The following ZNF536 variants were observed in gnomAD, a reference collection of about 807,000 sequenced individuals.
ZNF536 encodes zinc finger protein 536.
In ZNF536, 13 loss-of-function variants were observed where a neutral mutation model predicts 84.5. The ratio of observed to expected loss-of-function variants is 0.15; its 90% CI spans 0.10 to 0.24. ZNF536 has a LOEUF of 0.24. Among genes scored for constraint, ZNF536 ranks in the 10% least tolerant of loss-of-function variants. ZNF536 has a pLI of 1.00. For synonymous variants in ZNF536, 811 were observed against 742.5 expected (o/e 1.09, Z -1.50); for missense variants, 1,536 against 1,747.5 (o/e 0.88, Z 2.16).
intron 2 of ZNF536, among the ~76,000 whole-genome samples, chr19:30,304,884 T>C (rs999419849): frequency 6.6e-6 from 1 of 152,220 alleles, no homozygotes; most frequent in African/African-American, 2.4e-5. Flanking sequence ...AGAGAAGTTC[T>C]AGGGGCAAAG....
At chr19:30,685,334 A>C (rs1284185815) in intron 1 of ZNF536, among the ~76,000 whole-genome samples, 1 of 152,130 alleles carries the variant, frequency 6.6e-6, no homozygotes, top group South Asian at 2.1e-4. Flanking sequence ...GCTGATGGAG[A>C]GACTCTTTCT....
intron 1 of ZNF536, among the ~76,000 whole-genome samples, chr19:30,256,075 G>T (rs2024902352): frequency 6.6e-6 from 1 of 152,172 alleles, no homozygotes; most frequent in African/African-American, 2.4e-5. Flanking sequence ...TTTAGCCCAA[G>T]TTTCTCTCTC....
chr19:30,456,683 G>A (rs1411028044), intron 2 of ZNF536, among the ~76,000 whole-genome samples: 3 of 152,112 alleles, frequency 2.0e-5, no homozygotes, highest in African/African-American at 7.2e-5. Flanking sequence ...TTTATTCACT[G>A]AATGATGAAA....
chr19:30,599,697 G>A (rs117801698), intron 1 of ZNF536, among the ~76,000 whole-genome samples: 672 of 152,238 alleles, frequency 4.4e-3, no homozygotes, highest in Middle Eastern at 0.014. Context: ...AAAAGTGAGA[G>A]TTACAAGTGC....
At chr19:30,436,603 T>A in intron 1 of ZNF536, 1 of 662,612 alleles carries the variant, frequency 1.5e-6, no homozygotes, top group Non-Finnish European at 1.9e-6. Context: ...AGTCTGATGT[T>A]CTGTATTTCA....
At chr19:30,594,181 C>G (rs1180463033) in intron 1 of ZNF536, among the ~76,000 whole-genome samples, 2 of 152,198 alleles carry the variant, frequency 1.3e-5, no homozygotes, top group Non-Finnish European at 2.9e-5. Context: ...AGTCACTTGC[C>G]CTGGACCTCA....
rs2050545446 is a variant in ZNF536, at chr19:30,412,697, C to G, written c.-2-30864C>G. Among the ~76,000 whole-genome samples, 3 of 151,640 alleles carry G rather than the reference C, an allele frequency of 2.0e-5. No homozygotes were observed. In the South Asian group the frequency reaches 6.2e-4, roughly 32 times the overall value. ...CTCCTTCTTCTCCTCTTTCTCCTCC[C>G]TCCCTTCTTTCTTTTTGTCTTATAT... is the stretch of plus-strand genomic sequence containing the variant. On this transcript the variant is annotated intron_variant, in intron 1 of 4. Transcript: ENST00000355537.
At position 30,445,156 on chromosome 19, in the gene ZNF536, G is replaced by A. The variant is rs951249485; in HGVS notation, c.1594G>A (p.Ala532Thr). ...TTGGCAGCTCATGGCCAGGGGCATG[G>A]CCATGGAACATGGCTTCTTGTCTAA... ...QAWQLMARGM[A>T]MEHGFLSKEH... Residue 532 changes from alanine to threonine, a missense_variant, in exon 2 of 5, where the codon GCC (alanine) becomes ACC (threonine). Physicochemically the swap from Ala to Thr is moderately conservative, Grantham distance 58. Transcript: ENST00000355537. The surrounding 1 kb of genome is among the most constrained non-coding windows in gnomAD (Gnocchi z 4.5). 7 of 1,614,014 alleles carry A rather than the reference G, an allele frequency of 4.3e-6. No homozygotes were observed. The highest frequency in any genetic ancestry group is 1.7e-5 in the Admixed American group (1 of 60,012).
chr19:30,489,878 A>G (rs2054440801), intron 2 of ZNF536, among the ~76,000 whole-genome samples: 1 of 152,240 alleles, frequency 6.6e-6, no homozygotes, highest in South Asian at 2.1e-4. Flanking sequence ...GTTTGCTGAA[A>G]AGGCTGAAGA....
intron 2 of ZNF536, among the ~76,000 whole-genome samples, chr19:30,527,015 T>C (rs1599696233): frequency 6.6e-6 from 1 of 151,644 alleles, no homozygotes; most frequent in East Asian, 2.0e-4. Flanking sequence ...GCCTCCTGGG[T>C]TCAAGCGATT....
intron 3 of ZNF536, among the ~76,000 whole-genome samples, chr19:30,364,083 G>T (rs1011681467): frequency 6.6e-6 from 1 of 152,204 alleles, no homozygotes; most frequent in African/African-American, 2.4e-5. Context: ...ATAAGAGCAG[G>T]CAAGCGTGGA....
Position 30,402,794 on chromosome 19 carries a change from AAAATATATATATATATAT to A in ZNF536, c.-3+30240_-3+30257del, listed in dbSNP as rs1303260727. On this transcript the variant is annotated intron_variant, in intron 1 of 4. Coordinates refer to ENST00000355537, the MANE Select transcript of ZNF536 (RefSeq NM_014717.3). ...CTTTTTAAACATTTTTTAAAATTAA[AAAATATATATATATATAT>A]ATATATATATAATTTTCAAAAATTT... is the stretch of plus-strand genomic sequence containing the variant. Among the ~76,000 whole-genome samples the A allele has an allele frequency of 2.2e-4, 17 of 76,736 alleles. 2 individuals carry two copies. The highest frequency in any genetic ancestry group is 5.2e-4 in the Non-Finnish European group (17 of 32,988). The allele number at this position is 76,736 out of a possible 152,430, so 50.3% of individuals were successfully genotyped here.
At chr19:30,227,739 A>AGCC (rs532344713), upstream of ZNF536, among the ~76,000 whole-genome samples, 287 of 150,164 alleles carry the variant, frequency 1.9e-3, no homozygotes, top group African/African-American at 5.7e-3. Context: ...TTCTCCCGGC[A>AGCC]GCCGCCGCCG....
At chr19:30,370,773 G>C (rs887508867), upstream of ZNF536, among the ~76,000 whole-genome samples, 1 of 152,160 alleles carries the variant, frequency 6.6e-6, no homozygotes, top group Non-Finnish European at 1.5e-5. Context: ...TCAGGTACGG[G>C]GGATATTAAT....
At chr19:30,678,636 T>G (rs1487960357) in intron 1 of ZNF536, among the ~76,000 whole-genome samples, 1 of 152,194 alleles carries the variant, frequency 6.6e-6, no homozygotes, top group Non-Finnish European at 1.5e-5. Flanking sequence ...ATCCTGGCAC[T>G]GGACTCCTAG....
At position 30,474,161 on chromosome 19, in the gene ZNF536, T is replaced by C. The variant is rs149008139; in HGVS notation, c.2170+28429T>C. 5.9e-4 allele frequency among the ~76,000 whole-genome samples: 90 copies of C among 152,184 alleles called. No homozygotes were observed. In the East Asian group the frequency reaches 0.016, roughly 27 times the overall value. On this transcript the variant is annotated intron_variant, in intron 2 of 4. Coordinates refer to ENST00000355537, the MANE Select transcript of ZNF536 (RefSeq NM_014717.3). Reference sequence around the variant, plus strand: ...ACAAAGGTGAAGCACATTGGTGAGCTAGGTGTGTTTAGTGGATGTTGACGC... The same window carrying C: ...ACAAAGGTGAAGCACATTGGTGAGCCAGGTGTGTTTAGTGGATGTTGACGC...
chr19:30,497,135 G>A (rs370426810), intron 2 of ZNF536, among the ~76,000 whole-genome samples: 10 of 152,306 alleles, frequency 6.6e-5, no homozygotes, highest in Middle Eastern at 3.4e-3. Context: ...AGACACTGGC[G>A]GCCACAATGC....
At chr19:30,427,183 T>G (rs781448641) in intron 1 of ZNF536, among the ~76,000 whole-genome samples, 9 of 152,178 alleles carry the variant, frequency 5.9e-5, no homozygotes, top group Non-Finnish European at 1.2e-4. Context: ...CTAGATGATC[T>G]CAGATATTTC....
chr19:30,492,657 G>A (rs985409155), intron 2 of ZNF536, among the ~76,000 whole-genome samples: 5 of 152,162 alleles, frequency 3.3e-5, no homozygotes, highest in Admixed American at 2.0e-4. Context: ...ACGTATCCAC[G>A]AGACCACTGC....
Sources: gnomAD v4.1 joint callset for allele counts (sites outside exome capture counted in the v4.1 genomes callset) on GRCh38, gnomAD v4.1.1 for gene constraint, Gnocchi (gnomAD v3.1) non-coding constraint, MANE v1.5 for transcripts, NCBI Gene and HGNC (gene_info 2026-07-23, HGNC 2026-07-21) for gene names.